SLC35B4: variants seen among roughly 807,000 people sequenced by gnomAD.
The protein encoded by SLC35B4 is solute carrier family 35 member B4, also known as nucleotide sugar transporter SLC35B4.
In SLC35B4, 28 loss-of-function variants were observed where a neutral mutation model predicts 39.5. The ratio of observed to expected loss-of-function variants is 0.71; its 90% CI spans 0.53 to 0.97. The LOEUF is 0.97. Ranked by LOEUF, SLC35B4 falls within the 50% of genes least tolerant of loss-of-function variation. The pLI is 0.00. For synonymous variants in SLC35B4, 145 were observed against 150.4 expected, an observed-to-expected ratio of 0.96 and a Z score of 0.26; for missense variants, 334 against 414.3, an observed-to-expected ratio of 0.81 and a Z score of 1.68.
chr7:134,303,872 T>G (rs948951326), intron 4 of SLC35B4, among the ~76,000 whole-genome samples: 2 of 152,192 alleles, frequency 1.3e-5, no homozygotes, highest in Non-Finnish European at 2.9e-5. Flanking sequence ...TGAAAAAGCA[T>G]CCCAGGTACT....
In SLC35B4 at chr7:134,302,096, T is replaced by C. The variant is rs1012747156; in HGVS notation, c.359A>G (p.Lys120Arg). 1.9e-6 allele frequency: 3 copies of C among 1,612,994 alleles called. No individual in the cohort carries two copies. Among genetic ancestry groups the C allele is most frequent in the Admixed American group, 1.7e-5 (1 of 59,812 alleles). The change falls in exon 5 of 10, where the codon AAA (lysine) becomes AGA (arginine). Residue 120 changes from lysine (K) to arginine (R), a missense_variant. Transcript: ENST00000378509. ...AGACACCAGGGCAATGGAGGTATATTTGAATATACTGTATCTGCAAAAAAG... is the reference window on the plus strand; with the variant it reads ...AGACACCAGGGCAATGGAGGTATATCTGAATATACTGTATCTGCAAAAAAG... Reference protein sequence around the residue: ...IILKKRYSIFKYTSIALVSVG... With the variant: ...IILKKRYSIFRYTSIALVSVG...
At position 134,306,556 on chromosome 7, in the gene SLC35B4, ATTC is replaced by A. The variant is rs896478778; in HGVS notation, c.294+113_294+115del. On this transcript the variant is annotated intron_variant, in intron 3 of 9. Transcript: ENST00000378509. The stretch of plus-strand genomic sequence containing the variant: ...CCCTTGCTCACGCATTCACAAACCT[ATTC>A]TTCTACCCAAGACCACTTACTACAA... The A allele has an allele frequency of 4.3e-6, 3 of 700,626 alleles. No homozygotes were observed. In the East Asian group the frequency reaches 8.9e-5, roughly 21 times the overall value. The allele number at this position is 700,626 out of a possible 1,614,324, so 43.4% of individuals were successfully genotyped here.
At chr7:134,305,311 C>T (rs1404920475) in intron 3 of SLC35B4, among the ~76,000 whole-genome samples, 3 of 148,900 alleles carry the variant, frequency 2.0e-5, no homozygotes, top group East Asian at 2.0e-4. Context: ...GCAACAAGAG[C>T]GAAACTCCGT....
chr7:134,309,145 T>C (rs1803776507), intron 2 of SLC35B4, among the ~76,000 whole-genome samples: 1 of 152,222 alleles, frequency 6.6e-6, no homozygotes, highest in African/African-American at 2.4e-5. Context: ...CACACTCTTG[T>C]CTCCATCATG....
upstream of SLC35B4, among the ~76,000 whole-genome samples, chr7:134,317,995 G>T (rs1348855738): frequency 6.6e-6 from 1 of 152,158 alleles, no homozygotes; most frequent in Non-Finnish European, 1.5e-5. Flanking sequence ...CAAAGTACAC[G>T]GTACAAAGCT....
Position 134,316,744 on chromosome 7 carries a change from G to T in SLC35B4, c.8C>A (p.Pro3Gln). 1 of 1,549,262 alleles carries T rather than the reference G, an allele frequency of 6.5e-7. No individual in the cohort carries two copies. The highest frequency in any genetic ancestry group is 8.7e-7 in the Non-Finnish European group (1 of 1,146,766). Reference protein sequence around the residue: MRPALAVGLVFAG... With the variant: MRQALAVGLVFAG... ...GAACACCAGGCCCACCGCCAAGGCC[G>T]GGCGCATGGCCGGTGCAGGGTTGGG... The change falls in exon 1 of 10, where the codon CCG becomes CAG. Residue 3 changes from proline (P) to glutamine (Q), a missense_variant. Coordinates refer to ENST00000378509, the MANE Select transcript of SLC35B4 (RefSeq NM_032826.5).
chr7:134,318,339 A>G (rs1716681484), upstream of SLC35B4, among the ~76,000 whole-genome samples: 2 of 152,208 alleles, frequency 1.3e-5, no homozygotes, highest in Admixed American at 6.5e-5. Flanking sequence ...TAGAAAGCCT[A>G]CTACCTGTGA....
upstream of SLC35B4, among the ~76,000 whole-genome samples, chr7:134,317,890 T>G (rs1191887021): frequency 1.3e-5 from 2 of 150,916 alleles, no homozygotes; most frequent in African/African-American, 5.0e-5. Context: ...ACACTTCCTT[T>G]CTGCTTCCCA....
chr7:134,298,298 A>C (rs951940579), intron 8 of SLC35B4, among the ~76,000 whole-genome samples: 1 of 152,208 alleles, frequency 6.6e-6, no homozygotes, highest in African/African-American at 2.4e-5. Context: ...TCAGAGATAC[A>C]CTGAATCTCT....
intron 8 of SLC35B4, among the ~76,000 whole-genome samples, chr7:134,298,005 G>GT (rs1297030153): frequency 1.3e-5 from 2 of 152,126 alleles, no homozygotes; most frequent in Non-Finnish European, 2.9e-5. Context: ...CAATGGCTCA[G>GT]TTTTTTTGTA....
In SLC35B4 at chr7:134,316,844, A is replaced by G; in HGVS notation, c.-93T>C. ...CCGGCCTCCTGCCTCTTCGCTGCGC[A>G]GCACATCGCACCGTCCTGGAAAGCC... On this transcript the variant is annotated 5_prime_UTR_variant, in exon 1 of 10. Coordinates refer to ENST00000378509, the MANE Select transcript of SLC35B4 (RefSeq NM_032826.5). 1 of 1,298,584 alleles carries G rather than the reference A, an allele frequency of 7.7e-7. No homozygotes were observed. The highest frequency in any genetic ancestry group is 1.1e-6 in the Non-Finnish European group (1 of 933,098). 80.4% of individuals were successfully genotyped at this position (1,298,584 alleles called of 1,614,324 possible).
At chr7:134,311,120 G>T (rs374750130) in intron 1 of SLC35B4, among the ~76,000 whole-genome samples, 67 of 152,278 alleles carry the variant, frequency 4.4e-4, no homozygotes, top group East Asian at 3.3e-3. Flanking sequence ...TGCCTATGAA[G>T]GTTTCCTTGA....
intron 3 of SLC35B4, among the ~76,000 whole-genome samples, chr7:134,305,320 G>A (rs535114206): frequency 2.1e-5 from 3 of 142,018 alleles, no homozygotes; most frequent in Admixed American, 7.4e-5. Flanking sequence ...GCGAAACTCC[G>A]TCTCCAAAAA....
intron 1 of SLC35B4, 151 bp downstream of exon 1, chr7:134,316,524 G>A (rs562001737): frequency 1.3e-6 from 1 of 746,000 alleles, no homozygotes; most frequent in Non-Finnish European, 2.1e-6. Flanking sequence ...GCCCAGACAG[G>A]ACGGATTGCT....
At chr7:134,319,516 A>G (rs1319038730), upstream of SLC35B4, among the ~76,000 whole-genome samples, 2 of 151,856 alleles carry the variant, frequency 1.3e-5, no homozygotes, top group Non-Finnish European at 2.9e-5. Context: ...TCCATCATTT[A>G]TTCCCTCCTC....
rs1305685314 is a variant in SLC35B4 at position 134,301,756 on chromosome 7, C to T, written c.487+5G>A. The T allele has an allele frequency of 1.2e-6, 2 of 1,612,780 alleles. No homozygotes were observed. Among genetic ancestry groups the T allele is most frequent in the Non-Finnish European group, 1.7e-6 (2 of 1,178,828 alleles). ...AATTAGCTTTATTATAATTATTGTA[C>T]TTGCCTAGTAACCACCACACAAATG... On this transcript the variant is annotated splice_donor_5th_base_variant and intron_variant, in intron 6 of 9. Coordinates refer to ENST00000378509, the MANE Select transcript of SLC35B4 (RefSeq NM_032826.5).
intron 2 of SLC35B4, among the ~76,000 whole-genome samples, chr7:134,308,532 T>A (rs1029667577): frequency 6.6e-6 from 1 of 152,230 alleles, no homozygotes; most frequent in African/African-American, 2.4e-5. Flanking sequence ...TTTAAAAGTA[T>A]AATATTAACA....
At chr7:134,301,506 C>G (rs549896079) in intron 6 of SLC35B4, among the ~76,000 whole-genome samples, 7 of 152,324 alleles carry the variant, frequency 4.6e-5, no homozygotes, top group African/African-American at 1.4e-4. Flanking sequence ...TAGACACACA[C>G]TTTTCTTTCT....
Position 134,293,000 on chromosome 7 carries a change from T to G in SLC35B4, c.*1833A>C, listed in dbSNP as rs1020902902. Reference sequence around the variant, plus strand: ...AGCGACCTGGTGACTCTAGGACATTTATCTCCACTGCTGTTGCTCAAATCC... The same window carrying G: ...AGCGACCTGGTGACTCTAGGACATTGATCTCCACTGCTGTTGCTCAAATCC... On this transcript the variant is annotated 3_prime_UTR_variant, in exon 10 of 10. Coordinates refer to ENST00000378509, the MANE Select transcript of SLC35B4 (RefSeq NM_032826.5). 6.6e-6 allele frequency: 1 copy of G among 152,204 alleles called. No individual in the cohort carries two copies. Among genetic ancestry groups the G allele is most frequent in the African/African-American group, 2.4e-5 (1 of 41,426 alleles). 9.4% of individuals were successfully genotyped at this position (152,204 alleles called of 1,614,324 possible). A position where few individuals can be genotyped will look rare whatever the true frequency, so the allele number is the denominator to read the frequency against.
Sources: gnomAD v4.1 joint callset for allele counts (sites outside exome capture counted in the v4.1 genomes callset) on GRCh38, gnomAD v4.1.1 for gene constraint, MANE v1.5 for transcripts, NCBI Gene and HGNC (gene_info 2026-07-23, HGNC 2026-07-21) for gene names.